RAB6A: variants seen among roughly 807,000 people sequenced by gnomAD.
RAB6A encodes the protein ras-related protein Rab-6A.
Under a neutral mutation model 32.3 loss-of-function variants are expected in RAB6A, and 8 were observed. The observed-to-expected ratio is 0.25, with a 90% CI of 0.15 to 0.45. The LOEUF (loss-of-function observed/expected upper bound fraction) is 0.45, where lower values mean the gene tolerates loss of function less well. Ranked by LOEUF, RAB6A falls within the 20% of genes least tolerant of loss-of-function variation. The probability of loss-of-function intolerance (pLI) is 1.00; values close to 1 mark genes in which losing one functional copy is unlikely to be tolerated. For synonymous variants in RAB6A, 73 were observed against 82.1 expected, an observed-to-expected ratio of 0.89 and a Z score of 0.60; for missense variants, 104 against 249.4, an observed-to-expected ratio of 0.42 and a Z score of 3.93.
intron 6 of RAB6A, among the ~76,000 whole-genome samples, chr11:73,706,311 T>G (rs1411567664): frequency 4.0e-5 from 6 of 151,744 alleles, no homozygotes; most frequent in Non-Finnish European, 7.4e-5. Flanking sequence ...GTCAGGAGAT[T>G]GAGACCATCC....
At chr11:73,730,648 C>T (rs1213634545) in intron 2 of RAB6A, 117 bp downstream of exon 2, 1 of 777,018 alleles carries the variant, frequency 1.3e-6, no homozygotes, top group Non-Finnish European at 2.1e-6. Flanking sequence ...CAGCATTTTA[C>T]AGATTATAGA....
At chr11:73,722,343 A>ATTTTTTTTTTT in intron 2 of RAB6A, 1 of 15,362 alleles carries the variant, frequency 6.5e-5, no homozygotes, top group Non-Finnish European at 1.1e-4. Context: ...ATATATATAT[A>ATTTTTTTTTTT]TTTTTTTTTT....
At chr11:73,699,136 A>C (rs965172256) in intron 6 of RAB6A, among the ~76,000 whole-genome samples, 1 of 152,170 alleles carries the variant, frequency 6.6e-6, no homozygotes, top group Non-Finnish European at 1.5e-5. Context: ...TACATGTTTG[A>C]GCCACTGCGC....
At chr11:73,725,494 T>C (rs1318708668) in intron 2 of RAB6A, among the ~76,000 whole-genome samples, 1 of 152,178 alleles carries the variant, frequency 6.6e-6, no homozygotes, top group Admixed American at 6.6e-5. Flanking sequence ...GGACTTGCAG[T>C]TCCACATGGC....
chr11:73,739,780 G>A (rs113218708), intron 1 of RAB6A, among the ~76,000 whole-genome samples: 6 of 152,174 alleles, frequency 3.9e-5, no homozygotes, highest in African/African-American at 1.4e-4. Context: ...CCTCAGGCCG[G>A]GCCCGGTGGC....
intron 1 of RAB6A, among the ~76,000 whole-genome samples, chr11:73,753,483 A>G (rs926498387): frequency 1.3e-5 from 2 of 151,442 alleles, no homozygotes; most frequent in African/African-American, 4.8e-5. Flanking sequence ...AGGCCGAGGC[A>G]GGCAGATCAC....
intron 5 of RAB6A, among the ~76,000 whole-genome samples, chr11:73,709,437 A>ATAT (rs3046615): frequency 0.2 from 27,068 of 136,884 alleles, 2,860 homozygotes; most frequent in Non-Finnish European, 0.23. Flanking sequence ...CTCCTTAAGT[A>ATAT]TATTATTATT....
intron 6 of RAB6A, among the ~76,000 whole-genome samples, chr11:73,702,420 C>A (rs571360507): frequency 6.6e-6 from 1 of 152,224 alleles, no homozygotes; most frequent in South Asian, 2.1e-4. Flanking sequence ...GATCCTCCCA[C>A]ATCCACCTCC....
At chr11:73,682,541 C>T (rs1452661030) in intron 6 of RAB6A, among the ~76,000 whole-genome samples, 1 of 152,092 alleles carries the variant, frequency 6.6e-6, no homozygotes, top group African/African-American at 2.4e-5. Context: ...CACATGCCTG[C>T]AGTCCCAGCA....
chr11:73,736,402 C>G (rs1215668830), intron 1 of RAB6A, among the ~76,000 whole-genome samples: 1 of 149,368 alleles, frequency 6.7e-6, no homozygotes, highest in Non-Finnish European at 1.5e-5. Context: ...GCACTCCAGC[C>G]TGGGCAACAG....
intron 1 of RAB6A, among the ~76,000 whole-genome samples, chr11:73,739,263 TAAAAA>T (rs58629008): frequency 2.3e-3 from 22 of 9,382 alleles, no homozygotes; most frequent in African/African-American, 5.4e-3. Context: ...TAATAATAAT[TAAAAA>T]AAAAAAAAAA....
rs576694327 is a variant in RAB6A, at chr11:73,698,848, G to A, written c.495+8572C>T. ...AGTTCAGCTCAGATACTTTTTTTGCGATTTTTTTTTTTTTTTTTTTTGAGA... is the reference window on the plus strand; with the variant it reads ...AGTTCAGCTCAGATACTTTTTTTGCAATTTTTTTTTTTTTTTTTTTTGAGA... On this transcript the variant is annotated intron_variant, in intron 6 of 7. Coordinates refer to ENST00000336083, the MANE Select transcript of RAB6A (RefSeq NM_198896.2). Among the ~76,000 whole-genome samples the A allele has an allele frequency of 9.4e-3, 1,068 of 113,186 alleles. 11 individuals are homozygous for A. The highest frequency in any genetic ancestry group is 0.029 in the Middle Eastern group (6 of 204). The allele number at this position is 113,186 out of a possible 152,430, so 74.3% of individuals were successfully genotyped here. A position where few individuals can be genotyped will look rare whatever the true frequency, so the allele number is the denominator to read the frequency against.
At chr11:73,711,087 C>T (rs1236356231) in intron 5 of RAB6A, among the ~76,000 whole-genome samples, 10 of 152,276 alleles carry the variant, frequency 6.6e-5, no homozygotes, top group Admixed American at 2.0e-4. Context: ...GCATTTACCA[C>T]CTGGTATCTC....
chr11:73,712,499 T>C (rs907545834), intron 5 of RAB6A, among the ~76,000 whole-genome samples: 1 of 152,000 alleles, frequency 6.6e-6, no homozygotes, highest in Non-Finnish European at 1.5e-5. Flanking sequence ...TACAGGCACA[T>C]GCCACCACGC....
chr11:73,722,341 ATATTTTTTTT>A (rs1296369014), intron 2 of RAB6A: 97 of 8,816 alleles, frequency 0.011, 6 homozygotes, highest in African/African-American at 0.027. Flanking sequence ...ATATATATAT[ATATTTTTTTT>A]TTTTTTTTTT....
chr11:73,716,165 C>T (rs913845950), intron 5 of RAB6A, 86 bp downstream of exon 5: 32 of 1,032,288 alleles, frequency 3.1e-5, no homozygotes, highest in Non-Finnish European at 3.7e-5. Context: ...AAGCATGTCT[C>T]CTTTCAAAAC....
intron 6 of RAB6A, among the ~76,000 whole-genome samples, chr11:73,706,949 T>C (rs1367081445): frequency 3.3e-5 from 5 of 151,590 alleles, no homozygotes; most frequent in African/African-American, 1.2e-4. Flanking sequence ...AAAAACCCCA[T>C]CTCTACTAAA....
At chr11:73,713,565 CAA>C (rs61588604) in intron 5 of RAB6A, among the ~76,000 whole-genome samples, 1,426 of 124,762 alleles carry the variant, frequency 0.011, 20 homozygotes, top group African/African-American at 0.039. Context: ...GACTCCGTCT[CAA>C]AAAAAAAAAA....
intron 6 of RAB6A, among the ~76,000 whole-genome samples, chr11:73,683,847 C>A (rs1330758609): frequency 6.6e-6 from 1 of 152,168 alleles, no homozygotes; most frequent in Non-Finnish European, 1.5e-5. Context: ...GCCACTGCGA[C>A]TGGACTGAAA....
Sources: gnomAD v4.1 joint callset for allele counts (sites outside exome capture counted in the v4.1 genomes callset) on GRCh38, gnomAD v4.1.1 for gene constraint, MANE v1.5 for transcripts, NCBI Gene and HGNC (gene_info 2026-07-23, HGNC 2026-07-21) for gene names.